The following EEF1AKMT1 variants were observed in gnomAD, a reference collection of about 807,000 sequenced individuals.
EEF1AKMT1 encodes the protein EEF1A lysine methyltransferase 1, also known as N-6 adenine-specific DNA methyltransferase 2 (putative).
In EEF1AKMT1, 18 loss-of-function variants were observed where a neutral mutation model predicts 21.0. That is an observed-to-expected ratio of 0.86 (90% CI 0.59 to 1.27). EEF1AKMT1 has a LOEUF of 1.27. Among genes scored for constraint, EEF1AKMT1 ranks in the 50% most tolerant of loss-of-function variants. The pLI, the probability that EEF1AKMT1 is intolerant of heterozygous loss-of-function variation, is 0.00. For synonymous variants in EEF1AKMT1, 109 were observed against 94.8 expected (o/e 1.15, Z -0.87); for missense variants, 246 against 258.6 (o/e 0.95, Z 0.33).
intron 3 of EEF1AKMT1, among the ~76,000 whole-genome samples, chr13:20,737,052 T>G (rs1363075359): frequency 2.6e-5 from 4 of 151,834 alleles, no homozygotes; most frequent in African/African-American, 9.7e-5. Flanking sequence ...ACTATTTATA[T>G]GCATGCAAGG....
At chr13:20,740,113 A>G (rs9579939) in intron 2 of EEF1AKMT1, among the ~76,000 whole-genome samples, 14,188 of 152,326 alleles carry the variant, frequency 0.093, 811 homozygotes, top group Non-Finnish European at 0.13. Context: ...ATTCAAGCAC[A>G]GCGCAGGTGG....
intron 2 of EEF1AKMT1, among the ~76,000 whole-genome samples, chr13:20,742,095 G>A (rs1212173968): frequency 6.6e-6 from 1 of 152,010 alleles, no homozygotes; most frequent in Non-Finnish European, 1.5e-5. Context: ...TTTAGAAATG[G>A]AATTCGTGGT....
chr13:20,740,076 C>T (rs944926927), intron 2 of EEF1AKMT1, among the ~76,000 whole-genome samples: 6 of 152,220 alleles, frequency 3.9e-5, no homozygotes, highest in East Asian at 3.9e-4. Context: ...CCCTGCCCTG[C>T]GGGGAGACAG....
intron 1 of EEF1AKMT1, among the ~76,000 whole-genome samples, chr13:20,760,913 G>C (rs2058998363): frequency 6.6e-6 from 1 of 152,108 alleles, no homozygotes; most frequent in Non-Finnish European, 1.5e-5. Flanking sequence ...TCATTCCTAA[G>C]CTTTCTACTC....
Position 20,748,722 on chromosome 13 carries a change from T to TTTTTGTTGTTGTTG in EEF1AKMT1, c.144+8732_144+8733insCAACAACAACAAAA, listed in dbSNP as rs749328042. Among the ~76,000 whole-genome samples the TTTTTGTTGTTGTTG allele has an allele frequency of 1.2e-3, 95 of 78,676 alleles. 2 individuals carry two copies. The highest frequency in any genetic ancestry group is 1.9e-3 in the Non-Finnish European group (73 of 38,186). The allele number at this position is 78,676 out of a possible 152,430, so 51.6% of individuals were successfully genotyped here. A position where few individuals can be genotyped will look rare whatever the true frequency, so the allele number is the denominator to read the frequency against. On this transcript the variant is annotated intron_variant, in intron 2 of 4. Coordinates refer to ENST00000382758, the MANE Select transcript of EEF1AKMT1 (RefSeq NM_001318939.2). ...CCCTCCTAATGTATAGTTGTTTTTT[T>TTTTTGTTGTTGTTG]TTGGTTTTTTTTTTTTTTTTTTTTT...
chr13:20,735,176 G>A (rs1395228230), intron 3 of EEF1AKMT1, among the ~76,000 whole-genome samples: 5 of 152,204 alleles, frequency 3.3e-5, no homozygotes, highest in Non-Finnish European at 7.3e-5. Flanking sequence ...CCTGGTTCAC[G>A]TGGTGGCATA....
chr13:20,741,446 AT>A (rs1216105593), intron 2 of EEF1AKMT1, among the ~76,000 whole-genome samples: 2 of 143,948 alleles, frequency 1.4e-5, no homozygotes, highest in African/African-American at 5.2e-5. Flanking sequence ...GTTTTTTAAC[AT>A]TGTAATTACT....
At chr13:20,748,641 T>C (rs915367440) in intron 2 of EEF1AKMT1, among the ~76,000 whole-genome samples, 25 of 151,912 alleles carry the variant, frequency 1.6e-4, no homozygotes, top group Non-Finnish European at 3.5e-4. Context: ...ACTATGGATT[T>C]ATTATGATAG....
intron 2 of EEF1AKMT1, among the ~76,000 whole-genome samples, chr13:20,745,272 C>G (rs923911856): frequency 7.9e-5 from 12 of 152,188 alleles, no homozygotes; most frequent in African/African-American, 2.9e-4. Flanking sequence ...TTACTTTGGG[C>G]AGTATGGCCA....
intron 2 of EEF1AKMT1, among the ~76,000 whole-genome samples, chr13:20,754,722 C>G (rs1857600187): frequency 7.2e-6 from 1 of 138,438 alleles, no homozygotes. Flanking sequence ...ATGGTAAAAC[C>G]CTGTCTCTAC....
chr13:20,769,126 A>G (rs2059051226), intron 1 of EEF1AKMT1: 1 of 152,222 alleles, frequency 6.6e-6, no homozygotes, highest in Non-Finnish European at 1.5e-5. Context: ...TGCACCCACG[A>G]GAGAGGGCTT....
intron 1 of EEF1AKMT1, among the ~76,000 whole-genome samples, chr13:20,768,502 C>T (rs1180222204): frequency 6.6e-6 from 1 of 152,138 alleles, no homozygotes; most frequent in Non-Finnish European, 1.5e-5. Flanking sequence ...CCCTATCTTC[C>T]AGTAGTTTCT....
At chr13:20,740,801 T>C (rs1369950969) in intron 2 of EEF1AKMT1, among the ~76,000 whole-genome samples, 1 of 152,066 alleles carries the variant, frequency 6.6e-6, no homozygotes, top group Admixed American at 6.5e-5. Flanking sequence ...AGACTCAGTC[T>C]CAAAACAAAA....
At chr13:20,745,650 A>G (rs1482167258) in intron 2 of EEF1AKMT1, among the ~76,000 whole-genome samples, 1 of 152,136 alleles carries the variant, frequency 6.6e-6, no homozygotes, top group Non-Finnish European at 1.5e-5. Context: ...GGAGTTCAAG[A>G]CCAGCTTGGT....
At chr13:20,773,165 T>C (rs1455500740) in intron 1 of EEF1AKMT1, among the ~76,000 whole-genome samples, 2 of 152,228 alleles carry the variant, frequency 1.3e-5, no homozygotes, top group African/African-American at 4.8e-5. Flanking sequence ...TTTATCCTGT[T>C]TTTAAATTAA....
chr13:20,729,202 C>T lies in EEF1AKMT1; in HGVS notation c.523G>A (p.Glu175Lys). 3 of 1,614,122 alleles carry T rather than the reference C, an allele frequency of 1.9e-6. No individual in the cohort carries two copies. Among genetic ancestry groups the T allele is most frequent in the Non-Finnish European group, 2.5e-6 (3 of 1,180,038 alleles). Reference sequence around the variant, plus strand: ...ACTCCAAGGAGTTCTGCTGCCTGTTCTTCCATGATGGCACCTGAAGAGAAC... The same window carrying T: ...ACTCCAAGGAGTTCTGCTGCCTGTTTTTCCATGATGGCACCTGAAGAGAAC... ...ILLCTGAIME[E>K]QAAELLGVKM... The change falls in exon 5 of 5, where the codon GAA becomes AAA. Residue 175 changes from glutamate to lysine, a missense_variant. By Grantham distance (56) the Glu-to-Lys change is moderately conservative. Transcript: ENST00000382758.
chr13:20,752,717 T>C (rs865974039), intron 2 of EEF1AKMT1, among the ~76,000 whole-genome samples: 21 of 152,260 alleles, frequency 1.4e-4, no homozygotes, highest in Middle Eastern at 3.4e-3. Context: ...TTAAAGATAA[T>C]TGGTATTGAT....
At chr13:20,740,900 G>A (rs1037385793) in intron 2 of EEF1AKMT1, among the ~76,000 whole-genome samples, 1 of 151,952 alleles carries the variant, frequency 6.6e-6, no homozygotes, top group Non-Finnish European at 1.5e-5. Flanking sequence ...AATAAGGAGA[G>A]CTTTACTCAG....
chr13:20,766,001 T>C (rs1033224534), intron 1 of EEF1AKMT1, among the ~76,000 whole-genome samples: 1 of 151,810 alleles, frequency 6.6e-6, no homozygotes, highest in Non-Finnish European at 1.5e-5. Context: ...ATGCTCAAAA[T>C]AGAAATATGC....
Sources: allele counts gnomAD v4.1 joint callset (sites outside exome capture counted in the v4.1 genomes callset), GRCh38; gene constraint gnomAD v4.1.1; transcripts MANE v1.5; gene names NCBI Gene and HGNC (gene_info 2026-07-23, HGNC 2026-07-21).